Variants in CDH18 observed in about 807,000 individuals in gnomAD.
The protein encoded by CDH18 is cadherin 18.
In CDH18, 31 loss-of-function variants were observed where a neutral mutation model predicts 67.9. That is an observed-to-expected ratio of 0.46 (90% CI 0.34 to 0.62). CDH18 has a LOEUF of 0.62. Among genes scored for constraint, CDH18 ranks in the 20% least tolerant of loss-of-function variants. The pLI, the probability that CDH18 is intolerant of heterozygous loss-of-function variation, is 0.01. For synonymous variants in CDH18, 362 were observed against 347.2 expected (o/e 1.04, Z -0.48); for missense variants, 890 against 975.5 (o/e 0.91, Z 1.17).
chr5:19,652,344 G>T (rs1458281856), intron 5 of CDH18, among the ~76,000 whole-genome samples: 2 of 152,090 alleles, frequency 1.3e-5, no homozygotes, highest in East Asian at 3.9e-4. Flanking sequence ...CAGCATGATG[G>T]TTTTAAAAAG....
intron 8 of CDH18, among the ~76,000 whole-genome samples, chr5:19,549,276 AG>A (rs1244954435): frequency 1.3e-5 from 2 of 152,066 alleles, no homozygotes; most frequent in Non-Finnish European, 2.9e-5. Flanking sequence ...ATTGCTTAAA[AG>A]CCTGGGACTT....
At chr5:20,063,679 T>C (rs1216252243) in intron 2 of CDH18, among the ~76,000 whole-genome samples, 1 of 152,176 alleles carries the variant, frequency 6.6e-6, no homozygotes, top group Non-Finnish European at 1.5e-5. Context: ...TTGGTTAATC[T>C]GAGTACCAGG....
intron 8 of CDH18, among the ~76,000 whole-genome samples, chr5:19,569,293 T>A (rs1561367868): frequency 6.6e-6 from 1 of 152,146 alleles, no homozygotes. Context: ...CCTTCATTCT[T>A]CATTTCTCTA....
rs542238545 is a variant in CDH18 at position 20,547,929 on chromosome 5, A to G, written c.-580+27533T>C. ...GATATAAAATATAAAATAAGAAAAA[A>G]GCTCTCAGTTTGAATATAGGTATTA... On this transcript the variant is annotated intron_variant, in intron 1 of 14. Transcript: ENST00000507958. Among the ~76,000 whole-genome samples the G allele has an allele frequency of 2.6e-5, 4 of 152,166 alleles. No homozygotes were observed. The South Asian group carries it at 8.3e-4, about 32-fold the overall frequency.
At chr5:19,935,236 T>A in intron 2 of CDH18, among the ~76,000 whole-genome samples, 1 of 151,192 alleles carries the variant, frequency 6.6e-6, no homozygotes, top group East Asian at 1.9e-4. Flanking sequence ...TGTCCCAACT[T>A]GGAAAGATGA....
chr5:20,068,506 T>C (rs538194896), intron 2 of CDH18, among the ~76,000 whole-genome samples: 2 of 152,242 alleles, frequency 1.3e-5, no homozygotes, highest in African/African-American at 4.8e-5. Flanking sequence ...TCTATAATTA[T>C]TTTTTCTTCA....
chr5:19,626,363 A>C (rs1475147227), intron 5 of CDH18, among the ~76,000 whole-genome samples: 2 of 152,228 alleles, frequency 1.3e-5, no homozygotes, highest in African/African-American at 4.8e-5. Context: ...GTGCGAAAGA[A>C]CACAACGCCA....
chr5:19,947,623 G>C (rs1278246676), intron 2 of CDH18, among the ~76,000 whole-genome samples: 2 of 146,630 alleles, frequency 1.4e-5, no homozygotes, highest in Non-Finnish European at 3.0e-5. Flanking sequence ...AAATAGCCAG[G>C]TGTGGCGCCT....
intron 2 of CDH18, among the ~76,000 whole-genome samples, chr5:19,962,731 GCAC>G (rs1797049405): frequency 6.6e-6 from 1 of 151,926 alleles, no homozygotes; most frequent in African/African-American, 2.4e-5. Flanking sequence ...AACCGAGATT[GCAC>G]CACCGCACTG....
intron 1 of CDH18, among the ~76,000 whole-genome samples, chr5:20,290,225 A>G (rs1401744518): frequency 2.0e-5 from 3 of 152,080 alleles, no homozygotes; most frequent in African/African-American, 7.2e-5. Flanking sequence ...GGTGGTCTCA[A>G]TTTAAGTGTT....
chr5:19,494,162 C>T (rs528623706), intron 11 of CDH18, among the ~76,000 whole-genome samples: 1 of 152,134 alleles, frequency 6.6e-6, no homozygotes, highest in Non-Finnish European at 1.5e-5. Flanking sequence ...GATTTCCACT[C>T]TTAAATCTAT....
rs1056543124 is a variant in CDH18, at chr5:19,623,904, C to G, written c.644-11303G>C. ...ATTACCAATTTAGTTATTGTGACAT[C>G]TGGTTTCCTAATTTATAAAAAATGA... On this transcript the variant is annotated intron_variant, in intron 5 of 12. Transcript: ENST00000382275. 6.6e-5 allele frequency among the ~76,000 whole-genome samples: 10 copies of G among 150,378 alleles called. No individual in the cohort carries two copies. The Admixed American group carries it at 6.7e-4, about 10-fold the overall frequency.
intron 2 of CDH18, among the ~76,000 whole-genome samples, chr5:19,942,164 T>A (rs891274357): frequency 6.6e-6 from 1 of 152,270 alleles, no homozygotes. Flanking sequence ...TGACAGGGGA[T>A]GATGTTCCAT....
chr5:19,600,453 A>G (rs559120992), intron 6 of CDH18, among the ~76,000 whole-genome samples: 5 of 151,498 alleles, frequency 3.3e-5, no homozygotes, highest in African/African-American at 9.7e-5. Flanking sequence ...GCTGTTCTCT[A>G]TAACACTAAA....
At chr5:19,575,548 T>G (rs1742179750) in intron 7 of CDH18, among the ~76,000 whole-genome samples, 1 of 152,248 alleles carries the variant, frequency 6.6e-6, no homozygotes, top group Non-Finnish European at 1.5e-5. Context: ...ATTCCTGGAA[T>G]CATCCCATTT....
Position 19,912,183 on chromosome 5 carries a change from T to TAA in CDH18, c.-257+68875_-257+68876dup, listed in dbSNP as rs143363761. On this transcript the variant is annotated intron_variant, in intron 2 of 12. Transcript: ENST00000382275. ...ATTGTTTAGCTATTAACAATAATAA[T>TAA]AAAAAAAAAACACTTAACGGCTTCG... 9.9e-3 allele frequency among the ~76,000 whole-genome samples: 1,460 copies of TAA among 147,834 alleles called. 8 individuals are homozygous for TAA. The highest frequency in any genetic ancestry group is 0.015 in the Non-Finnish European group (1,032 of 66,790).
intron 3 of CDH18, among the ~76,000 whole-genome samples, chr5:19,820,680 G>A (rs1263846027): frequency 6.6e-6 from 1 of 152,202 alleles, no homozygotes; most frequent in Non-Finnish European, 1.5e-5. Flanking sequence ...CCTAGCACCA[G>A]TATTTGGAAG....
intron 5 of CDH18, among the ~76,000 whole-genome samples, chr5:19,695,797 T>C (rs1762463575): frequency 1.3e-5 from 2 of 152,304 alleles, no homozygotes; most frequent in East Asian, 3.9e-4. Flanking sequence ...AATTTCTTTA[T>C]GTGTGTGAGG....
At chr5:20,476,196 A>T (rs1485846258) in intron 1 of CDH18, among the ~76,000 whole-genome samples, 1 of 152,184 alleles carries the variant, frequency 6.6e-6, no homozygotes, top group Non-Finnish European at 1.5e-5. Flanking sequence ...GACCACAATG[A>T]TTGGTTGAGG....
Sources: allele counts gnomAD v4.1 joint callset (sites outside exome capture counted in the v4.1 genomes callset), GRCh38; gene constraint gnomAD v4.1.1; transcripts MANE v1.5; gene names NCBI Gene and HGNC (gene_info 2026-07-23, HGNC 2026-07-21).